Variants in ZMIZ1 observed in about 807,000 individuals in gnomAD.
ZMIZ1 encodes zinc finger MIZ domain-containing protein 1.
ZMIZ1 carries 17 observed loss-of-function variants against 113.9 expected under a neutral mutation model. The observed-to-expected ratio is 0.15, with a 90% CI of 0.10 to 0.22. The LOEUF is 0.22. ZMIZ1 is among the 10% of genes least tolerant of loss of function. The probability of loss-of-function intolerance (pLI) is 1.00; values close to 1 mark genes in which losing one functional copy is unlikely to be tolerated. For missense variants in ZMIZ1, 1,059 were observed against 1,477.8 expected (o/e 0.72, Z 4.65); for synonymous variants, 607 against 603.1 (o/e 1.01, Z -0.09).
rs142913980 is a variant in ZMIZ1, at chr10:79,306,282, C to G, written c.2606C>G (p.Pro869Arg). 2 of 1,613,760 alleles carry G rather than the reference C, an allele frequency of 1.2e-6. No individual in the cohort carries two copies. Among genetic ancestry groups the G allele is most frequent in the African/African-American group, 1.3e-5 (1 of 74,932 alleles). Reference protein sequence around the residue: ...MEMIAALGPGPSPYPLPPPPG... With the variant: ...MEMIAALGPGRSPYPLPPPPG... ...ATGATCGCAGCCCTGGGCCCCGGCCCGTCCCCCTATCCCCTCCCGCCTCCC... is the reference window on the plus strand; with the variant it reads ...ATGATCGCAGCCCTGGGCCCCGGCCGGTCCCCCTATCCCCTCCCGCCTCCC... Residue 869 changes from proline to arginine, a missense_variant, in exon 22 of 25, where the codon CCG (proline) becomes CGG (arginine). By Grantham distance (103) the Pro-to-Arg change is moderately radical (BLOSUM62 -2). Around this residue, in one of 6 missense-constraint regions of ZMIZ1, gnomAD observed 225 missense variants for 276.0 expected, o/e 0.82. Transcript: ENST00000334512.
At chr10:79,288,513 AACACACATACGCAC>A (rs1332915171) in intron 8 of ZMIZ1, among the ~76,000 whole-genome samples, 2 of 150,964 alleles carry the variant, frequency 1.3e-5, no homozygotes, top group African/African-American at 4.9e-5. Flanking sequence ...TCCCTCCCCC[AACACACATACGCAC>A]ACACACATAC....
chr10:79,313,063 C>A lies in ZMIZ1; in HGVS notation c.*314C>A. 1 of 376,990 alleles carries A rather than the reference C, an allele frequency of 2.7e-6. No homozygotes were observed. Among genetic ancestry groups the A allele is most frequent in the Non-Finnish European group, 4.9e-6 (1 of 204,786 alleles). 23.4% of individuals were successfully genotyped at this position (376,990 alleles called of 1,614,324 possible). On this transcript the variant is annotated 3_prime_UTR_variant, in exon 25 of 25. Coordinates refer to ENST00000334512, the MANE Select transcript of ZMIZ1 (RefSeq NM_020338.4). The stretch of plus-strand genomic sequence containing the variant: ...CCCGGTAAGAGGGCACACGCTGATG[C>A]GGCTTCCCGGTCCCTCCGCGTGTGC...
intron 7 of ZMIZ1, among the ~76,000 whole-genome samples, chr10:79,245,609 T>C (rs189562280): frequency 9.1e-4 from 138 of 152,296 alleles, no homozygotes; most frequent in African/African-American, 3.2e-3. Context: ...CCCTGGGAAC[T>C]CTGAGATGAG....
At chr10:79,129,122 G>A (rs774325505) in intron 2 of ZMIZ1, among the ~76,000 whole-genome samples, 3 of 152,060 alleles carry the variant, frequency 2.0e-5, no homozygotes, top group South Asian at 2.1e-4. Context: ...ATGCTGTGCC[G>A]GATGCTAAGC....
At chr10:79,245,691 G>A (rs1000158665) in intron 7 of ZMIZ1, among the ~76,000 whole-genome samples, 6 of 152,202 alleles carry the variant, frequency 3.9e-5, no homozygotes, top group Non-Finnish European at 7.3e-5. Context: ...GTCCTGCCCG[G>A]GGCTTCCTGA....
At position 79,291,716 on chromosome 10, in the gene ZMIZ1, C is replaced by T. The variant is rs375546697; in HGVS notation, c.759-442C>T. On this transcript the variant is annotated intron_variant, in intron 10 of 24. Coordinates refer to ENST00000334512, the MANE Select transcript of ZMIZ1 (RefSeq NM_020338.4). ...GGTGCCCATTCTCCTCTTTCCACCC[C>T]GCCCTGCCTAAGACCCCCACCTTGG... Among the ~76,000 whole-genome samples, 49 of 152,334 alleles carry T rather than the reference C, an allele frequency of 3.2e-4. No individual in the cohort carries two copies. The East Asian group carries it at 8.5e-3, about 26-fold the overall frequency.
chr10:79,274,246 G>T (rs551894843), intron 7 of ZMIZ1, among the ~76,000 whole-genome samples: 1 of 152,186 alleles, frequency 6.6e-6, no homozygotes, highest in African/African-American at 2.4e-5. Context: ...AGGTCCTCCC[G>T]TCTCTCCCAC....
intron 7 of ZMIZ1, among the ~76,000 whole-genome samples, chr10:79,241,413 C>A (rs187884932): frequency 1.1e-4 from 16 of 152,202 alleles, no homozygotes; most frequent in African/African-American, 3.6e-4. Context: ...GCCATAATAA[C>A]CTACAAGGAG....
At chr10:79,158,152 T>C (rs1349261830) in intron 3 of ZMIZ1, among the ~76,000 whole-genome samples, 2 of 152,180 alleles carry the variant, frequency 1.3e-5, no homozygotes, top group African/African-American at 4.8e-5. Flanking sequence ...AACTCCTTGG[T>C]GTCTGCATCT....
chr10:79,207,248 A>G (rs771514419), intron 5 of ZMIZ1, among the ~76,000 whole-genome samples: 54 of 152,168 alleles, frequency 3.5e-4, no homozygotes, highest in Non-Finnish European at 3.4e-4. Context: ...TACCAAGGCA[A>G]TGGGACCTCA....
chr10:79,120,371 A>C (rs142052939), intron 2 of ZMIZ1, among the ~76,000 whole-genome samples: 27 of 152,244 alleles, frequency 1.8e-4, no homozygotes, highest in African/African-American at 6.5e-4. Context: ...ACGGGGCTGC[A>C]TATCCATGCA....
chr10:79,131,922 G>A (rs1384619437), intron 2 of ZMIZ1, among the ~76,000 whole-genome samples: 1 of 152,230 alleles, frequency 6.6e-6, no homozygotes, highest in Non-Finnish European at 1.5e-5. Flanking sequence ...GTTCCTGAGA[G>A]TGATGGCAGA....
At chr10:79,147,585 G>A (rs776677995) in intron 3 of ZMIZ1, among the ~76,000 whole-genome samples, 6 of 152,180 alleles carry the variant, frequency 3.9e-5, no homozygotes, top group African/African-American at 9.7e-5. Flanking sequence ...TGGAAACTTC[G>A]TCAAACCCTC....
Position 79,126,192 on chromosome 10 carries a change from C to G in ZMIZ1, c.-227+7168C>G, listed in dbSNP as rs565695341. 2.6e-4 allele frequency among the ~76,000 whole-genome samples: 39 copies of G among 152,322 alleles called. No homozygotes were observed. The South Asian group carries it at 8.1e-3, about 32-fold the overall frequency. ...CCCCAGTGAGGCCGGGATTTGTAGGCCCAATGGTCAGGGCTAGGGGCAACG... is the reference window on the plus strand; with the variant it reads ...CCCCAGTGAGGCCGGGATTTGTAGGGCCAATGGTCAGGGCTAGGGGCAACG... On this transcript the variant is annotated intron_variant, in intron 2 of 24. Transcript: ENST00000334512.
At chr10:79,222,133 C>A (rs974947845) in intron 7 of ZMIZ1, among the ~76,000 whole-genome samples, 1 of 152,168 alleles carries the variant, frequency 6.6e-6, no homozygotes, top group Admixed American at 6.5e-5. Context: ...CACAGACTGG[C>A]TGCTCATAGG....
chr10:79,096,429 G>A (rs11002812), intron 1 of ZMIZ1, among the ~76,000 whole-genome samples: 36,534 of 151,936 alleles, frequency 0.24, 4,758 homozygotes, highest in Non-Finnish European at 0.29. Flanking sequence ...GGAGAATGGC[G>A]TGAACCCGGG....
chr10:79,245,992 C>G (rs1850171150), intron 7 of ZMIZ1, among the ~76,000 whole-genome samples: 1 of 152,218 alleles, frequency 6.6e-6, no homozygotes, highest in African/African-American at 2.4e-5. Flanking sequence ...AGTGAGGACA[C>G]TAGCTCAGAG....
intron 3 of ZMIZ1, among the ~76,000 whole-genome samples, chr10:79,143,107 C>T (rs1184131464): frequency 6.6e-6 from 1 of 152,146 alleles, no homozygotes; most frequent in Admixed American, 6.5e-5. Flanking sequence ...CAGCAGTGCC[C>T]CCTCCAGGCC....
chr10:79,303,953 G>C (rs1854509956), intron 18 of ZMIZ1, 62 bp from the exon 19 acceptor site: 3 of 1,602,876 alleles, frequency 1.9e-6, no homozygotes, highest in Admixed American at 1.7e-5. Context: ...AGCACGTGCA[G>C]ACCCCCTACC....
Sources: gnomAD v4.1 joint callset for allele counts (sites outside exome capture counted in the v4.1 genomes callset) on GRCh38, gnomAD v4.1.1 for gene constraint, gnomAD v4.1.1 regional missense constraint, MANE v1.5 for transcripts, NCBI Gene and HGNC (gene_info 2026-07-23, HGNC 2026-07-21) for gene names.